The following SYNE2 variants were observed in gnomAD, a reference collection of about 807,000 sequenced individuals.
SYNE2 encodes spectrin repeat containing nuclear envelope protein 2, also known as nesprin-2.
Under a neutral mutation model 856.3 loss-of-function variants are expected in SYNE2, and 431 were observed. The observed-to-expected ratio is 0.50, with a 90% CI of 0.47 to 0.55. The LOEUF is 0.55. Among genes scored for constraint, SYNE2 ranks in the 20% least tolerant of loss-of-function variants. The pLI is 0.00. For synonymous variants in SYNE2, 2,923 were observed against 2,872.3 expected, an observed-to-expected ratio of 1.02 and a Z score of -0.56; for missense variants, 8,129 against 8,023.2, an observed-to-expected ratio of 1.01 and a Z score of -0.50.
intron 104 of SYNE2, 85 bp downstream of exon 104, chr14:64,212,183 C>T: frequency 6.3e-7 from 1 of 1,598,940 alleles, no homozygotes; most frequent in Non-Finnish European, 8.5e-7. Flanking sequence ...TCACACGATA[C>T]TCTGAGAGCA....
At chr14:63,780,070 A>T (rs1887253288) in intron 1 of SYNE2, among the ~76,000 whole-genome samples, 1 of 152,250 alleles carries the variant, frequency 6.6e-6, no homozygotes, top group African/African-American at 2.4e-5. Flanking sequence ...CATGGTCAAT[A>T]TTTTAAAATC....
intron 1 of SYNE2, among the ~76,000 whole-genome samples, chr14:63,804,998 G>T (rs1888304782): frequency 6.6e-6 from 1 of 152,158 alleles, no homozygotes; most frequent in Admixed American, 6.6e-5. Flanking sequence ...TGAATAAGGA[G>T]TCCTTTTCCT....
At chr14:64,224,181 CAAAAAAAAAA>C (rs35804232) in intron 113 of SYNE2, among the ~76,000 whole-genome samples, 1 of 74,748 alleles carries the variant, frequency 1.3e-5, no homozygotes, top group African/African-American at 5.5e-5. Flanking sequence ...CCCGTCTCTG[CAAAAAAAAAA>C]AAAAAAAAAA....
At chr14:64,147,309 C>T (rs1348099116) in intron 84 of SYNE2, among the ~76,000 whole-genome samples, 2 of 152,206 alleles carry the variant, frequency 1.3e-5, no homozygotes, top group Non-Finnish European at 2.9e-5. Flanking sequence ...CCTCCTCCCT[C>T]ATTTCCTTCT....
chr14:63,784,744 G>A (rs1442241342), intron 1 of SYNE2, among the ~76,000 whole-genome samples: 3 of 152,054 alleles, frequency 2.0e-5, no homozygotes, highest in Non-Finnish European at 2.9e-5. Context: ...GGCAGAGGCA[G>A]GAGTATCACT....
At chr14:63,838,950 A>C (rs1889953910) in intron 1 of SYNE2, among the ~76,000 whole-genome samples, 1 of 152,068 alleles carries the variant, frequency 6.6e-6, no homozygotes, top group Non-Finnish European at 1.5e-5. Flanking sequence ...ACCAACTTCC[A>C]CTTCCACTTA....
intron 3 of SYNE2, 109 bp downstream of exon 3, chr14:63,940,784 G>A: frequency 5.3e-6 from 5 of 942,998 alleles, no homozygotes; most frequent in Non-Finnish European, 8.4e-6. Context: ...TGATGACAGG[G>A]AAAAGGTTGT....
intron 1 of SYNE2, among the ~76,000 whole-genome samples, chr14:63,859,967 C>CCCTCCCTT (rs930258611): frequency 9.7e-5 from 12 of 123,648 alleles, no homozygotes; most frequent in East Asian, 5.2e-4. Flanking sequence ...CTCCCTCCCT[C>CCCTCCCTT]CCTCCCTTCC....
At chr14:64,200,523 T>TA (rs994848234) in intron 99 of SYNE2, among the ~76,000 whole-genome samples, 24 of 152,170 alleles carry the variant, frequency 1.6e-4, no homozygotes, top group African/African-American at 4.8e-4. Context: ...GGTGGCAAGA[T>TA]ACTGGGGTGA....
chr14:64,084,080 A>T (rs2097542905), intron 57 of SYNE2, among the ~76,000 whole-genome samples: 1 of 152,076 alleles, frequency 6.6e-6, no homozygotes, highest in African/African-American at 2.4e-5. Context: ...GTGTGCCACC[A>T]CGCTGACCTT....
chr14:63,879,816 CAA>C (rs957834028), intron 1 of SYNE2, among the ~76,000 whole-genome samples: 8 of 152,222 alleles, frequency 5.3e-5, no homozygotes, highest in African/African-American at 1.9e-4. Context: ...AAAAAGCACA[CAA>C]GAGCATTCAA....
At chr14:63,793,774 T>C (rs1887822875) in intron 1 of SYNE2, among the ~76,000 whole-genome samples, 1 of 146,118 alleles carries the variant, frequency 6.8e-6, no homozygotes, top group Non-Finnish European at 1.5e-5. Context: ...CCCCCCCAAC[T>C]AAAAAATTAA....
At position 63,982,795 on chromosome 14, in the gene SYNE2, G is replaced by T; in HGVS notation, c.2001+1G>T. Reference sequence around the variant, plus strand: ...AAAGTTGGTTTCAAAAACTCAACTTGTAAGTTCTTTTGATTGGTTGCAGCT... The same window carrying T: ...AAAGTTGGTTTCAAAAACTCAACTTTTAAGTTCTTTTGATTGGTTGCAGCT... On this transcript the variant is annotated splice_donor_variant, in intron 17 of 115. Transcript: ENST00000555002. LOFTEE classifies it high-confidence loss of function. 1.9e-6 allele frequency: 3 copies of T among 1,613,760 alleles called. No individual in the cohort carries two copies. Among genetic ancestry groups the T allele is most frequent in the Non-Finnish European group, 1.7e-6 (2 of 1,179,766 alleles).
chr14:64,094,227 G>A (rs930891383), intron 61 of SYNE2, among the ~76,000 whole-genome samples: 12 of 151,932 alleles, frequency 7.9e-5, no homozygotes, highest in African/African-American at 2.7e-4. Flanking sequence ...CCAGCTAGTC[G>A]GGAGGCTGAG....
intron 93 of SYNE2, 80 bp downstream of exon 93, chr14:64,169,051 A>G: frequency 2.5e-5 from 28 of 1,109,560 alleles, no homozygotes; most frequent in Non-Finnish European, 3.8e-5. Context: ...CCACCATGTG[A>G]ACCTTGACCA....
chr14:64,182,279 A>G (rs927074959), intron 96 of SYNE2, among the ~76,000 whole-genome samples: 1 of 152,222 alleles, frequency 6.6e-6, no homozygotes, highest in Non-Finnish European at 1.5e-5. Flanking sequence ...CTTGTGGTAT[A>G]GATAATTTAT....
At chr14:63,936,956 C>A (rs143648327) in intron 2 of SYNE2, among the ~76,000 whole-genome samples, 2 of 151,920 alleles carry the variant, frequency 1.3e-5, no homozygotes, top group African/African-American at 4.8e-5. Flanking sequence ...AGATATGAAA[C>A]GTGAGAGAAA....
intron 94 of SYNE2, among the ~76,000 whole-genome samples, chr14:64,174,447 C>T (rs936603091): frequency 3.9e-5 from 6 of 152,188 alleles, no homozygotes; most frequent in African/African-American, 1.2e-4. Context: ...TTTAAAGCTG[C>T]GCCTTTGGGG....
chr14:63,974,781 T>G (rs1195148108), intron 11 of SYNE2, among the ~76,000 whole-genome samples: 1 of 113,820 alleles, frequency 8.8e-6, no homozygotes, highest in South Asian at 2.7e-4. Flanking sequence ...TATATATATG[T>G]GTGTATATAT....
Sources: allele counts gnomAD v4.1 joint callset (sites outside exome capture counted in the v4.1 genomes callset), GRCh38; gene constraint gnomAD v4.1.1; transcripts MANE v1.5; gene names NCBI Gene and HGNC (gene_info 2026-07-23, HGNC 2026-07-21).